CLTC: variants seen among roughly 807,000 people sequenced by gnomAD.
CLTC encodes clathrin heavy chain 1.
CLTC carries 16 observed loss-of-function variants against 195.8 expected under a neutral mutation model. That is an observed-to-expected ratio of 0.08 (90% CI 0.06 to 0.12). The LOEUF (loss-of-function observed/expected upper bound fraction) is 0.12. Among genes scored for constraint, CLTC ranks in the 10% least tolerant of loss-of-function variants. The pLI, the probability that CLTC is intolerant of heterozygous loss-of-function variation, is 1.00. For missense variants in CLTC, 796 were observed against 2,027.0 expected (o/e 0.39, Z 11.66); for synonymous variants, 667 against 689.4 (o/e 0.97, Z 0.51).
In CLTC at chr17:59,644,477, C is replaced by T. The variant is rs144959366; in HGVS notation, c.244C>T (p.Leu82=). The change falls in exon 2 of 32, where the codon CTG becomes TTG. Residue 82 remains leucine, a synonymous_variant. Coordinates refer to ENST00000269122, the MANE Select transcript of CLTC (RefSeq NM_004859.4). ...GAATCCAGCTAGCAAAGTAATTGCA[C>T]TGAAAGGTATAAAAGAATGTGGGTT... The part of the protein sequence containing the change: ...IMNPASKVIA[L]KAGKTLQIFN... 3 of 1,612,180 alleles carry T rather than the reference C, an allele frequency of 1.9e-6. No individual in the cohort carries two copies. Among genetic ancestry groups the T allele is most frequent in the African/African-American group, 1.3e-5 (1 of 74,834 alleles).
At chr17:59,637,742 T>C (rs1038976461) in intron 1 of CLTC, among the ~76,000 whole-genome samples, 1 of 145,232 alleles carries the variant, frequency 6.9e-6, no homozygotes, top group Non-Finnish European at 1.5e-5. Context: ...GGCGTATGGG[T>C]GGTACCATCT....
At chr17:59,674,964 A>C (rs1290432228) in intron 16 of CLTC, 121 bp downstream of exon 16, 8 of 989,736 alleles carry the variant, frequency 8.1e-6, no homozygotes, top group Non-Finnish European at 1.2e-5. Flanking sequence ...TCCTGAAGAC[A>C]CCTAACATAG....
chr17:59,686,769 T>C (rs1179652609), intron 30 of CLTC, among the ~76,000 whole-genome samples: 2 of 152,366 alleles, frequency 1.3e-5, no homozygotes, highest in Admixed American at 6.5e-5. Context: ...TAAATTTTTC[T>C]AGTGATTAAG....
chr17:59,682,514 C>A lies in CLTC; in HGVS notation c.3600+86C>A. ...TCAAAACATCATAACTGAAGAATTCCAAGGAAAAATCTATAGGAAAACAAA... is the reference window on the plus strand; with the variant it reads ...TCAAAACATCATAACTGAAGAATTCAAAGGAAAAATCTATAGGAAAACAAA... On this transcript the variant is annotated intron_variant, in intron 22 of 31. Coordinates refer to ENST00000269122, the MANE Select transcript of CLTC (RefSeq NM_004859.4). This position sits in a 1 kb window ranked among gnomAD's most constrained non-coding sequence, Gnocchi z 6.8. The A allele has an allele frequency of 1.3e-6, 2 of 1,579,220 alleles. No homozygotes were observed. Among genetic ancestry groups the A allele is most frequent in the East Asian group, 2.2e-5 (1 of 44,488 alleles).
intron 16 of CLTC, among the ~76,000 whole-genome samples, chr17:59,676,340 A>C (rs980871462): frequency 1.3e-5 from 2 of 152,206 alleles, no homozygotes; most frequent in Non-Finnish European, 2.9e-5. Context: ...TTTTATTCCC[A>C]ATATGTATTT....
Position 59,696,877 on chromosome 17 carries a change from C to CTGAT in CLTC, c.*3027_*3030dup, listed in dbSNP as rs1555609020. 1.0e-5 allele frequency: 2 copies of CTGAT among 199,344 alleles called. No homozygotes were observed. Among genetic ancestry groups the CTGAT allele is most frequent in the East Asian group, 7.8e-5 (1 of 12,862 alleles). The allele number at this position is 199,344 out of a possible 1,614,324, so 12.3% of individuals were successfully genotyped here. A position where few individuals can be genotyped will look rare whatever the true frequency, so the allele number is the denominator to read the frequency against. ...AATAGGCTGTGATTTAGAACCACTG[C>CTGAT]TGATTAACCTTTGGCCAGTATGGGT... is the stretch of plus-strand genomic sequence containing the variant. On this transcript the variant is annotated 3_prime_UTR_variant, in exon 32 of 32. Transcript: ENST00000269122.
chr17:59,662,773 A>G (rs1310158369), intron 8 of CLTC, among the ~76,000 whole-genome samples: 1 of 152,178 alleles, frequency 6.6e-6, no homozygotes, highest in Non-Finnish European at 1.5e-5. Flanking sequence ...GGTCCATCCT[A>G]ATTGATTAAG....
At chr17:59,624,923 G>A (rs2031501402) in intron 1 of CLTC, among the ~76,000 whole-genome samples, 1 of 151,784 alleles carries the variant, frequency 6.6e-6, no homozygotes, top group Admixed American at 6.6e-5. Context: ...GCTCGCCTTG[G>A]CCTCCCAAAG....
At chr17:59,675,093 T>C (rs1284386752) in intron 16 of CLTC, among the ~76,000 whole-genome samples, 1 of 152,196 alleles carries the variant, frequency 6.6e-6, no homozygotes, top group African/African-American at 2.4e-5. Context: ...ATTACAGCTA[T>C]GTGGTTTGAC....
chr17:59,633,249 G>A (rs748008087), intron 1 of CLTC, among the ~76,000 whole-genome samples: 5 of 152,146 alleles, frequency 3.3e-5, no homozygotes, highest in Non-Finnish European at 7.3e-5. Context: ...CCAATACTTT[G>A]GGAGGCCAAG....
chr17:59,636,443 G>T (rs766980043), intron 1 of CLTC, among the ~76,000 whole-genome samples: 8 of 152,134 alleles, frequency 5.3e-5, no homozygotes, highest in Non-Finnish European at 1.2e-4. Flanking sequence ...CATTGCTGAT[G>T]TGTTTTTTAT....
chr17:59,647,210 G>T (rs563151195), intron 2 of CLTC, among the ~76,000 whole-genome samples, 188 bp from the exon 3 acceptor site: 77 of 152,280 alleles, frequency 5.1e-4, no homozygotes, highest in African/African-American at 1.8e-3. Flanking sequence ...TGTAGTTTTT[G>T]CTTAAAACGT....
At chr17:59,689,606 AC>A (rs1202572331) in intron 30 of CLTC, 2 of 152,220 alleles carry the variant, frequency 1.3e-5, no homozygotes, top group East Asian at 3.8e-4. Context: ...ATAATGACAG[AC>A]CAAGTATAAG....
intron 1 of CLTC, among the ~76,000 whole-genome samples, chr17:59,637,987 T>TAAAA (rs56038540): frequency 2.1e-5 from 3 of 146,192 alleles, no homozygotes; most frequent in African/African-American, 2.5e-5. Context: ...AAACAAACTT[T>TAAAA]AAAAAAAAAA....
At chr17:59,657,804 A>G (rs543901208) in intron 6 of CLTC, among the ~76,000 whole-genome samples, 1 of 151,078 alleles carries the variant, frequency 6.6e-6, no homozygotes, top group East Asian at 1.9e-4. Flanking sequence ...TCAAGAATAT[A>G]TTGGTCTTTT....
chr17:59,664,830 T>C lies in CLTC; in HGVS notation c.1565T>C (p.Met522Thr). 6 of 1,614,090 alleles carry C rather than the reference T, an allele frequency of 3.7e-6. No homozygotes were observed. Among genetic ancestry groups the C allele is most frequent in the Non-Finnish European group, 5.1e-6 (6 of 1,179,960 alleles). ...TGGATATTTCTGCTGAGAAATGTAA[T>C]GCGAATCAGTCCAGATCAGGGACAG... ...PDWIFLLRNV[M>T]RISPDQGQQF... is the part of the protein sequence containing the mutation. The change falls in exon 10 of 32, where the codon ATG becomes ACG. Residue 522 changes from methionine to threonine, a missense_variant. Met to Thr is a moderately conservative substitution (Grantham distance 81). Coordinates refer to ENST00000269122, the MANE Select transcript of CLTC (RefSeq NM_004859.4).
At chr17:59,643,132 G>GGTGTGTGTGTGTGTGTGTGT (rs59380117) in intron 1 of CLTC, among the ~76,000 whole-genome samples, 22 of 142,316 alleles carry the variant, frequency 1.5e-4, no homozygotes, top group Middle Eastern at 3.6e-3. Context: ...TCTTTTCTGG[G>GGTGTGTGTGTGTGTGTGTGT]GTGTGTGTGT....
intron 2 of CLTC, chr17:59,646,078 T>C: frequency 1.6e-6 from 1 of 621,872 alleles, no homozygotes; most frequent in Non-Finnish European, 2.0e-6. Flanking sequence ...AAAGAATAAA[T>C]TGAAAAGATT....
At chr17:59,656,666 A>ATTTTTT (rs55669818) in intron 6 of CLTC, among the ~76,000 whole-genome samples, 222 of 96,226 alleles carry the variant, frequency 2.3e-3, no homozygotes, top group African/African-American at 3.8e-3. Context: ...TATTATTTTA[A>ATTTTTT]TTTTTTTTTT....
Sources: allele counts gnomAD v4.1 joint callset (sites outside exome capture counted in the v4.1 genomes callset), GRCh38; gene constraint gnomAD v4.1.1; non-coding constraint Gnocchi (gnomAD v3.1); transcripts MANE v1.5; gene names NCBI Gene and HGNC (gene_info 2026-07-23, HGNC 2026-07-21).